The following CPSF2 variants were observed in gnomAD, a reference collection of about 807,000 sequenced individuals.
The protein encoded by CPSF2 is cleavage and polyadenylation specific factor 2.
In CPSF2, 51 loss-of-function variants were observed where a neutral mutation model predicts 84.2. The ratio of observed to expected loss-of-function variants is 0.61; its 90% CI spans 0.48 to 0.77. CPSF2 has a LOEUF of 0.77. CPSF2 is among the 30% of genes least tolerant of loss of function. CPSF2 has a pLI of 0.00. For synonymous variants in CPSF2, 286 were observed against 311.9 expected, an observed-to-expected ratio of 0.92 and a Z score of 0.87; for missense variants, 641 against 929.4, an observed-to-expected ratio of 0.69 and a Z score of 4.03.
intron 14 of CPSF2, among the ~76,000 whole-genome samples, chr14:92,160,349 A>C (rs965142498): frequency 1.3e-5 from 2 of 152,228 alleles, no homozygotes; most frequent in African/African-American, 2.4e-5. Flanking sequence ...TATAGATATA[A>C]TTTAGTCTAG....
Position 92,167,211 on chromosome 14 carries a change from C to T in CPSF2, c.*5467C>T, listed in dbSNP as rs2069460619. 1 of 151,826 alleles carries T rather than the reference C, an allele frequency of 6.6e-6. No homozygotes were observed. Among genetic ancestry groups the T allele is most frequent in the South Asian group, 2.1e-4 (1 of 4,812 alleles). 9.4% of individuals were successfully genotyped at this position (151,826 alleles called of 1,614,324 possible). A position where few individuals can be genotyped will look rare whatever the true frequency, so the allele number is the denominator to read the frequency against. ...ATTTTTAATAGAGATGAGGTTTCAT[C>T]ATGCTGACCAGGCTGGTCTCGAACT... On this transcript the variant is annotated 3_prime_UTR_variant, in exon 16 of 16. Coordinates refer to ENST00000298875, the MANE Select transcript of CPSF2 (RefSeq NM_017437.3).
intron 9 of CPSF2, among the ~76,000 whole-genome samples, chr14:92,147,941 T>G (rs1046549257): frequency 6.6e-6 from 1 of 152,196 alleles, no homozygotes; most frequent in African/African-American, 2.4e-5. Flanking sequence ...CCCAAGCTGG[T>G]CTTGAACTAC....
At chr14:92,132,042 G>C (rs1475238956) in intron 3 of CPSF2, among the ~76,000 whole-genome samples, 1 of 152,080 alleles carries the variant, frequency 6.6e-6, no homozygotes, top group Non-Finnish European at 1.5e-5. Context: ...ACTGTCTGTG[G>C]TTACTATGCG....
intron 9 of CPSF2, among the ~76,000 whole-genome samples, chr14:92,146,874 A>C (rs1212110219): frequency 1.3e-5 from 2 of 152,210 alleles, no homozygotes; most frequent in Non-Finnish European, 2.9e-5. Flanking sequence ...GGATCTTTGT[A>C]CTAGCTGTTC....
chr14:92,160,366 C>T (rs2069356022), intron 14 of CPSF2, among the ~76,000 whole-genome samples: 2 of 152,146 alleles, frequency 1.3e-5, no homozygotes, highest in African/African-American at 4.8e-5. Context: ...CTAGCATTTA[C>T]ATATTCTTGA....
chr14:92,134,305 C>G lies in CPSF2; in HGVS notation c.365C>G (p.Ala122Gly). Residue 122 changes from alanine (A) to glycine (G), a missense_variant, in exon 5 of 16, where the codon GCC (alanine) becomes GGC (glycine). This residue lies in a region of CPSF2 where 211 missense variants were observed against 375.7 expected (regional missense o/e 0.56). Coordinates refer to ENST00000298875, the MANE Select transcript of CPSF2 (RefSeq NM_017437.3). ...TTTACATTAGATGATGTGGATGCAG[C>G]CTTTGATAAAATACAGCAGCTAAAA... ...TLFTLDDVDAAFDKIQQLKFS... is the reference protein window; with the variant it reads ...TLFTLDDVDAGFDKIQQLKFS... The G allele has an allele frequency of 1.9e-6, 3 of 1,613,400 alleles. No homozygotes were observed. Among genetic ancestry groups the G allele is most frequent in the Non-Finnish European group, 2.5e-6 (3 of 1,179,768 alleles).
At position 92,157,438 on chromosome 14, in the gene CPSF2, T is replaced by C. The variant is rs1287522664; in HGVS notation, c.1596-221T>C. 2.6e-5 allele frequency among the ~76,000 whole-genome samples: 4 copies of C among 151,988 alleles called. No individual in the cohort carries two copies. The highest frequency in any genetic ancestry group is 9.7e-5 in the African/African-American group (4 of 41,358). On this transcript the variant is annotated intron_variant, in intron 12 of 15. Coordinates refer to ENST00000298875, the MANE Select transcript of CPSF2 (RefSeq NM_017437.3). The surrounding 1 kb of genome is among the most constrained non-coding windows in gnomAD (Gnocchi z 4.0). ...AGGAGAATCACTTGAACCTGGGAGG[T>C]AGAGGTTGCAATGAGCGAAGATCAT... is the stretch of plus-strand genomic sequence containing the variant.
intron 5 of CPSF2, 93 bp from the exon 6 acceptor site, chr14:92,135,274 A>G (rs1459329192): frequency 5.3e-6 from 6 of 1,127,388 alleles, no homozygotes; most frequent in Non-Finnish European, 6.2e-6. Context: ...TTGCATATAC[A>G]GTATTACCTA....
intron 2 of CPSF2, among the ~76,000 whole-genome samples, chr14:92,128,948 T>C (rs992024092): frequency 1.3e-5 from 2 of 152,216 alleles, no homozygotes; most frequent in South Asian, 2.1e-4. Flanking sequence ...CAACGGGTCA[T>C]GTAAAAGTCC....
At chr14:92,135,264 T>C (rs1158965193) in intron 5 of CPSF2, 103 bp from the exon 6 acceptor site, 3 of 1,003,578 alleles carry the variant, frequency 3.0e-6, no homozygotes, top group Non-Finnish European at 4.2e-6. Flanking sequence ...ATTTGTATTA[T>C]TGCATATACA....
intron 9 of CPSF2, among the ~76,000 whole-genome samples, chr14:92,143,544 T>TA (rs34949817): frequency 0.099 from 14,974 of 151,158 alleles, 816 homozygotes; most frequent in East Asian, 0.15. Context: ...CCCCATCTCT[T>TA]AAAAAAAAAC....
intron 9 of CPSF2, among the ~76,000 whole-genome samples, chr14:92,153,604 GGTCTTGC>G (rs1348833812): frequency 8.6e-5 from 13 of 151,834 alleles, no homozygotes; most frequent in African/African-American, 3.1e-4. Flanking sequence ...ATTGAGACAG[GGTCTTGC>G]TCTGTCAGAC....
In CPSF2 at chr14:92,138,363, C is replaced by T. The variant is rs780580949; in HGVS notation, c.661+16C>T. 2.8e-5 allele frequency: 34 copies of T among 1,233,498 alleles called. No homozygotes were observed. The Admixed American group carries it at 4.2e-4, about 15-fold the overall frequency. 76.4% of individuals were successfully genotyped at this position (1,233,498 alleles called of 1,614,324 possible). ...CAGCTTCTGAGTACGTATTCTTTCA[C>T]GTCCTTATTATTATTATTATTTTGT... On this transcript the variant is annotated intron_variant, in intron 7 of 15. Transcript: ENST00000298875.
intron 1 of CPSF2, among the ~76,000 whole-genome samples, chr14:92,124,654 T>C (rs1452004872): frequency 6.6e-6 from 1 of 152,198 alleles, no homozygotes; most frequent in Non-Finnish European, 1.5e-5. Context: ...ACTGTTATGG[T>C]AGTCACTAGC....
chr14:92,142,926 A>ACAAG, intron 8 of CPSF2, 78 bp from the exon 9 acceptor site: 2 of 1,253,490 alleles, frequency 1.6e-6, no homozygotes, highest in Non-Finnish European at 2.2e-6. Flanking sequence ...ATAGAACTTG[A>ACAAG]ATTCCTTGAC....
chr14:92,157,646 T>C lies in CPSF2; in HGVS notation c.1596-13T>C, dbSNP rs756591056. On this transcript the variant is annotated splice_polypyrimidine_tract_variant and intron_variant, in intron 12 of 15. Coordinates refer to ENST00000298875, the MANE Select transcript of CPSF2 (RefSeq NM_017437.3). This position sits in a 1 kb window ranked among gnomAD's most constrained non-coding sequence, Gnocchi z 4.0. ...TGAGAAAAGTAATCTTGAATAATCA[T>C]ATCTAATTACAGAGCCCGGGTTACC... 1.5e-5 allele frequency: 24 copies of C among 1,589,104 alleles called. No homozygotes were observed. Among genetic ancestry groups the C allele is most frequent in the Admixed American group, 3.4e-5 (2 of 59,166 alleles).
chr14:92,121,974 T>C lies in CPSF2; in HGVS notation c.-248T>C. 1 of 774,704 alleles carries C rather than the reference T, an allele frequency of 1.3e-6. No homozygotes were observed. Among genetic ancestry groups the C allele is most frequent in the Non-Finnish European group, 2.1e-6 (1 of 481,470 alleles). 48.0% of individuals were successfully genotyped at this position (774,704 alleles called of 1,614,324 possible). A position where few individuals can be genotyped will look rare whatever the true frequency, so the allele number is the denominator to read the frequency against. On this transcript the variant is annotated 5_prime_UTR_variant, in exon 1 of 16. Coordinates refer to ENST00000298875, the MANE Select transcript of CPSF2 (RefSeq NM_017437.3). ...GGTTCCTCCTCGTCTCCGCCGCTAGTCTCCAGCTCCAAAATGGCGGCTGCC... is the reference window on the plus strand; with the variant it reads ...GGTTCCTCCTCGTCTCCGCCGCTAGCCTCCAGCTCCAAAATGGCGGCTGCC...
chr14:92,144,283 A>G (rs968089801), intron 9 of CPSF2, among the ~76,000 whole-genome samples: 1 of 152,164 alleles, frequency 6.6e-6, no homozygotes, highest in African/African-American at 2.4e-5. Flanking sequence ...CTTCTCAGTT[A>G]CTTGGCACCT....
At chr14:92,155,425 C>CACATGTATGGGGTT (rs2069277174) in intron 11 of CPSF2, 102 bp downstream of exon 11, 2 of 949,852 alleles carry the variant, frequency 2.1e-6, no homozygotes, top group Admixed American at 4.0e-5. Flanking sequence ...TCTTTCTAGT[C>CACATGTATGGGGTT]ACATGTATGG....
Sources: allele counts gnomAD v4.1 joint callset (sites outside exome capture counted in the v4.1 genomes callset), GRCh38; gene constraint gnomAD v4.1.1; regional missense constraint gnomAD v4.1.1; non-coding constraint Gnocchi (gnomAD v3.1); transcripts MANE v1.5; gene names NCBI Gene and HGNC (gene_info 2026-07-23, HGNC 2026-07-21).